The following SGCZ variants were observed in gnomAD, a reference collection of about 807,000 sequenced individuals.
SGCZ encodes the protein sarcoglycan zeta.
In SGCZ, 40 loss-of-function variants were observed where a neutral mutation model predicts 41.3. The observed-to-expected ratio is 0.97, with a 90% confidence interval of 0.75 to 1.26. SGCZ has a LOEUF of 1.26. Ranked by LOEUF, SGCZ falls within the 50% of genes most tolerant of loss-of-function variation. SGCZ has a pLI of 0.00. For synonymous variants in SGCZ, 206 were observed against 137.5 expected (o/e 1.50, Z -3.49); for missense variants, 552 against 369.8 (o/e 1.49, Z -4.04).
chr8:14,714,727 T>G (rs1048651263), intron 1 of SGCZ, among the ~76,000 whole-genome samples: 21 of 152,106 alleles, frequency 1.4e-4, no homozygotes, highest in African/African-American at 5.1e-4. Flanking sequence ...AGAAAAATAC[T>G]AGAAAAAAAT....
rs182101355 is a variant in SGCZ at position 14,174,459 on chromosome 8, C to T, written c.425-9757G>A. Among the ~76,000 whole-genome samples, 472 of 152,024 alleles carry T rather than the reference C, an allele frequency of 3.1e-3. 4 individuals carry two copies. The highest frequency in any genetic ancestry group is 0.011 in the African/African-American group (460 of 41,482). On this transcript the variant is annotated intron_variant, in intron 4 of 7. Transcript: ENST00000382080. ...CTTCTAATTTAAATTTACTGGTATT[C>T]CTGACAGAGAGGAGACTGAATGAAA... is the stretch of plus-strand genomic sequence containing the variant.
At chr8:14,457,800 C>G (rs914219892) in intron 2 of SGCZ, among the ~76,000 whole-genome samples, 1 of 152,152 alleles carries the variant, frequency 6.6e-6, no homozygotes, top group African/African-American at 2.4e-5. Context: ...GGAGGTGACT[C>G]ACATTTTTTA....
rs146504244 is a variant in SGCZ at position 14,088,037 on chromosome 8, C to T, written c.*2406G>A. On this transcript the variant is annotated 3_prime_UTR_variant, in exon 8 of 8. Coordinates refer to ENST00000382080, the MANE Select transcript of SGCZ (RefSeq NM_139167.4). ...ATTTGAATTAAAAATGTGTCAGTCC[C>T]TCACTGGAATCGGTTTTTACATCTT... Among the ~76,000 whole-genome samples the T allele has an allele frequency of 3.9e-3, 590 of 151,894 alleles. 3 individuals carry two copies. The highest frequency in any genetic ancestry group is 0.013 in the African/African-American group (527 of 41,508).
At chr8:14,853,861 A>C (rs532710990) in intron 1 of SGCZ, among the ~76,000 whole-genome samples, 11 of 151,796 alleles carry the variant, frequency 7.2e-5, no homozygotes, top group Non-Finnish European at 1.2e-4. Flanking sequence ...CCAATATCCA[A>C]TGCTTTCACA....
At chr8:14,331,280 T>A (rs1802311053) in intron 2 of SGCZ, among the ~76,000 whole-genome samples, 1 of 152,074 alleles carries the variant, frequency 6.6e-6, no homozygotes, top group Non-Finnish European at 1.5e-5. Context: ...AATTTTTAAA[T>A]CTATGTTACA....
At chr8:15,054,297 G>A (rs914285853) in intron 1 of SGCZ, among the ~76,000 whole-genome samples, 1 of 152,080 alleles carries the variant, frequency 6.6e-6, no homozygotes, top group African/African-American at 2.4e-5. Flanking sequence ...ATTCATATGA[G>A]TCAGTTCAGC....
At chr8:14,660,395 A>T (rs973948666) in intron 1 of SGCZ, among the ~76,000 whole-genome samples, 2 of 151,786 alleles carry the variant, frequency 1.3e-5, no homozygotes, top group African/African-American at 2.4e-5. Context: ...AACATGGTGA[A>T]ACCTCATCTC....
intron 1 of SGCZ, among the ~76,000 whole-genome samples, chr8:14,961,193 C>G (rs1442074411): frequency 6.6e-6 from 1 of 152,086 alleles, no homozygotes; most frequent in African/African-American, 2.4e-5. Flanking sequence ...CTGACCTTCC[C>G]AGCTCCATCA....
At chr8:14,095,732 T>A (rs1347099206) in intron 7 of SGCZ, among the ~76,000 whole-genome samples, 13 of 152,218 alleles carry the variant, frequency 8.5e-5, no homozygotes, top group Admixed American at 7.9e-4. Flanking sequence ...TTCTTATCCA[T>A]GAGCATGGAA....
At chr8:14,755,256 CT>C (rs1321566888) in intron 1 of SGCZ, among the ~76,000 whole-genome samples, 1 of 151,988 alleles carries the variant, frequency 6.6e-6, no homozygotes, top group African/African-American at 2.4e-5. Flanking sequence ...CATTTGTTTG[CT>C]GTTTGTTTGC....
chr8:15,018,905 G>A (rs1803143953), intron 1 of SGCZ, among the ~76,000 whole-genome samples: 1 of 152,238 alleles, frequency 6.6e-6, no homozygotes, highest in Admixed American at 6.5e-5. Flanking sequence ...AAGAAGGGAT[G>A]TCTGGGGAGG....
chr8:14,099,893 A>G (rs566964930), intron 7 of SGCZ, among the ~76,000 whole-genome samples: 1 of 152,192 alleles, frequency 6.6e-6, no homozygotes, highest in African/African-American at 2.4e-5. Context: ...TGAAATGACT[A>G]TGAATTTTCA....
intron 1 of SGCZ, among the ~76,000 whole-genome samples, chr8:14,683,498 G>T (rs1262953995): frequency 2.0e-5 from 3 of 152,034 alleles, no homozygotes; most frequent in Non-Finnish European, 4.4e-5. Flanking sequence ...TCTTTGTCAT[G>T]ATTAACTTGA....
At chr8:14,116,537 T>C (rs900903266) in intron 5 of SGCZ, among the ~76,000 whole-genome samples, 1 of 152,128 alleles carries the variant, frequency 6.6e-6, no homozygotes, top group Non-Finnish European at 1.5e-5. Flanking sequence ...CTCATAAGCC[T>C]ATCATCCAAT....
intron 1 of SGCZ, among the ~76,000 whole-genome samples, chr8:14,877,012 T>A (rs1367557259): frequency 2.0e-5 from 3 of 152,178 alleles, no homozygotes; most frequent in Non-Finnish European, 2.9e-5. Flanking sequence ...TCTCACCCTG[T>A]CACCAGGCTG....
chr8:14,312,436 A>G (rs1223294133), intron 3 of SGCZ, among the ~76,000 whole-genome samples: 1 of 152,164 alleles, frequency 6.6e-6, no homozygotes, highest in Non-Finnish European at 1.5e-5. Context: ...GTGAAAGAAT[A>G]TACTAGTTGG....
chr8:14,648,192 T>C (rs1307028481), intron 1 of SGCZ, among the ~76,000 whole-genome samples: 1 of 152,060 alleles, frequency 6.6e-6, no homozygotes, highest in Non-Finnish European at 1.5e-5. Context: ...ATCATAATAA[T>C]TCAAAATAAT....
chr8:14,677,603 T>A (rs1011940934), intron 1 of SGCZ, among the ~76,000 whole-genome samples: 3 of 152,086 alleles, frequency 2.0e-5, no homozygotes, highest in African/African-American at 7.2e-5. Flanking sequence ...AAACCCAGTC[T>A]CTACTAAAAA....
intron 5 of SGCZ, among the ~76,000 whole-genome samples, chr8:14,146,893 T>A (rs71514470): frequency 0.9 from 118,722 of 132,300 alleles, 54,168 homozygotes; most frequent in East Asian, 0.96. Flanking sequence ...ATAAAAAAAA[T>A]AATAATAATA....
Sources: allele counts gnomAD v4.1 joint callset (sites outside exome capture counted in the v4.1 genomes callset), GRCh38; gene constraint gnomAD v4.1.1; transcripts MANE v1.5; gene names NCBI Gene and HGNC (gene_info 2026-07-23, HGNC 2026-07-21).